ZNF611: variants seen among roughly 807,000 people sequenced by gnomAD.
ZNF611 encodes the protein zinc finger protein 611.
In ZNF611, 6 loss-of-function variants were observed where a neutral mutation model predicts 8.9. That is an observed-to-expected ratio of 0.68 (90% CI 0.37 to 1.34). The LOEUF is 1.34. ZNF611 is among the 40% of genes most tolerant of loss of function. The pLI is 0.02. For synonymous variants in ZNF611, 262 were observed against 279.7 expected, an observed-to-expected ratio of 0.94 and a Z score of 0.63; for missense variants, 874 against 841.3, an observed-to-expected ratio of 1.04 and a Z score of -0.48.
Position 52,705,630 on chromosome 19 carries a change from A to C in ZNF611, c.1425T>G (p.Ile475Met), listed in dbSNP as rs372788027. 1.9e-5 allele frequency: 30 copies of C among 1,613,782 alleles called. No homozygotes were observed. The highest frequency in any genetic ancestry group is 6.7e-5 in the African/African-American group (5 of 74,892). Reference protein sequence around the residue: ...WSSQLAKHTRIDCGEKPYKCN... With the variant: ...WSSQLAKHTRMDCGEKPYKCN... The stretch of plus-strand genomic sequence containing the variant: ...ACTTGTAAGGTTTTTCTCCACAGTC[A>C]ATTCTAGTATGTTTTGCCAGTTGTG... Residue 475 changes from isoleucine to methionine, a missense_variant, in exon 6 of 6, where the codon ATT becomes ATG. By Grantham distance (10) the Ile-to-Met change is conservative. Coordinates refer to ENST00000652185, the MANE Select transcript of ZNF611 (RefSeq NM_001161499.2).
chr19:52,716,856 G>C (rs188613531), intron 3 of ZNF611, among the ~76,000 whole-genome samples: 1 of 151,974 alleles, frequency 6.6e-6, no homozygotes, highest in East Asian at 1.9e-4. Flanking sequence ...GAAGAGGTAG[G>C]GACTAGCCCA....
intron 3 of ZNF611, among the ~76,000 whole-genome samples, chr19:52,720,147 TAG>T (rs1369401481): frequency 6.6e-6 from 1 of 152,224 alleles, no homozygotes; most frequent in South Asian, 2.1e-4. Context: ...CAGAACAAAA[TAG>T]AGTCTCCTAT....
chr19:52,708,978 T>C (rs1000120412), intron 5 of ZNF611: 3 of 152,228 alleles, frequency 2.0e-5, no homozygotes, highest in African/African-American at 7.2e-5. Context: ...TAGTTCACTA[T>C]GCATAAAATA....
At chr19:52,709,245 T>G (rs1253309797) in intron 5 of ZNF611, among the ~76,000 whole-genome samples, 2 of 152,112 alleles carry the variant, frequency 1.3e-5, no homozygotes, top group Non-Finnish European at 2.9e-5. Flanking sequence ...TTTTCTTTCT[T>G]TTTTTCTTTC....
rs181375979 is a variant in ZNF611 at position 52,719,788 on chromosome 19, A to T, written c.-19-3875T>A. Among the ~76,000 whole-genome samples, 430 of 151,828 alleles carry T rather than the reference A, an allele frequency of 2.8e-3. 2 individuals are homozygous for T. Among genetic ancestry groups the T allele is most frequent in the African/African-American group, 9.9e-3 (410 of 41,358 alleles). On this transcript the variant is annotated intron_variant, in intron 3 of 5. Transcript: ENST00000652185. The stretch of plus-strand genomic sequence containing the variant: ...TGTTTTGTTTTGTTTTTTAGTATTT[A>T]TTGATCATTCTTGGGTGTTTCTCAG...
chr19:52,731,373 T>C (rs926430836), intron 1 of ZNF611, among the ~76,000 whole-genome samples: 1 of 151,778 alleles, frequency 6.6e-6, no homozygotes, highest in African/African-American at 2.4e-5. Context: ...TCCTTTCTTT[T>C]TCTTTATTTT....
At chr19:52,723,057 C>T (rs951838246) in intron 3 of ZNF611, among the ~76,000 whole-genome samples, 7 of 150,900 alleles carry the variant, frequency 4.6e-5, no homozygotes, top group Non-Finnish European at 8.9e-5. Context: ...CCTCTTTCTT[C>T]ATTACTGTGC....
intron 3 of ZNF611, among the ~76,000 whole-genome samples, chr19:52,726,306 G>A (rs1032648762): frequency 6.6e-6 from 1 of 152,136 alleles, no homozygotes; most frequent in Non-Finnish European, 1.5e-5. Flanking sequence ...AAGCAGCGGC[G>A]GGAGAATCGC....
At chr19:52,706,956 T>C (rs1568600587) in intron 5 of ZNF611, 92 bp from the exon 6 acceptor site, 4 of 1,512,850 alleles carry the variant, frequency 2.6e-6, no homozygotes, top group Non-Finnish European at 2.6e-6. Context: ...ACGATACTTA[T>C]TTTGAACTTC....
chr19:52,719,726 A>C (rs1259341498), intron 3 of ZNF611, among the ~76,000 whole-genome samples: 1 of 151,930 alleles, frequency 6.6e-6, no homozygotes, highest in Non-Finnish European at 1.5e-5. Context: ...ACTTCTGCTC[A>C]TTTTATGCCC....
intron 4 of ZNF611, among the ~76,000 whole-genome samples, chr19:52,714,598 G>A (rs2062302554): frequency 6.6e-6 from 1 of 150,766 alleles, no homozygotes; most frequent in Admixed American, 6.6e-5. Flanking sequence ...TGAGGCAGGA[G>A]AATCACTTGA....
intron 3 of ZNF611, chr19:52,723,325 T>G (rs1236236111): frequency 6.6e-6 from 1 of 151,098 alleles, no homozygotes; most frequent in African/African-American, 2.4e-5. Context: ...GGTGCGATCT[T>G]GGCTCACTGC....
At position 52,724,830 on chromosome 19, in the gene ZNF611, C is replaced by A. The variant is rs111658292; in HGVS notation, c.-20+3900G>T. On this transcript the variant is annotated intron_variant, in intron 3 of 5. Coordinates refer to ENST00000652185, the MANE Select transcript of ZNF611 (RefSeq NM_001161499.2). Reference sequence around the variant, plus strand: ...CTCCCTCACTCTGGTGAGCCTCCCTCTTTGCTGCCCCTCTCCCTATCTTGT... The same window carrying A: ...CTCCCTCACTCTGGTGAGCCTCCCTATTTGCTGCCCCTCTCCCTATCTTGT... Among the ~76,000 whole-genome samples, 910 of 152,282 alleles carry A rather than the reference C, an allele frequency of 6.0e-3. 9 individuals carry two copies. Among genetic ancestry groups the A allele is most frequent in the African/African-American group, 0.019 (810 of 41,550 alleles).
intron 5 of ZNF611, among the ~76,000 whole-genome samples, chr19:52,709,523 G>A (rs2062266300): frequency 6.6e-6 from 1 of 152,020 alleles, no homozygotes; most frequent in African/African-American, 2.4e-5. Flanking sequence ...CGCCCTCCTC[G>A]CCTCCCAAAG....
intron 3 of ZNF611, among the ~76,000 whole-genome samples, chr19:52,719,095 G>T (rs1288193484): frequency 2.0e-5 from 3 of 152,096 alleles, no homozygotes; most frequent in African/African-American, 7.2e-5. Context: ...CTTGAACCCG[G>T]GAGGTGGAGG....
Position 52,711,968 on chromosome 19 carries a change from T to C in ZNF611, c.190+2047A>G, listed in dbSNP as rs566138346. ...CTGTGGGAATATAATTCCACCAAGA[T>C]AGACCAAATCTTGAGCTTAGAGGAA... On this transcript the variant is annotated intron_variant, in intron 5 of 5. Transcript: ENST00000652185. Among the ~76,000 whole-genome samples the C allele has an allele frequency of 6.6e-5, 10 of 152,172 alleles. No individual in the cohort carries two copies. In the South Asian group the frequency reaches 1.9e-3, roughly 28 times the overall value.
chr19:52,709,802 T>C (rs1396591045), intron 5 of ZNF611, among the ~76,000 whole-genome samples: 4 of 151,798 alleles, frequency 2.6e-5, no homozygotes, highest in Admixed American at 2.0e-4. Flanking sequence ...CCCGGCCTCA[T>C]GTGATTTGGC....
At chr19:52,719,142 T>C (rs113763292) in intron 3 of ZNF611, among the ~76,000 whole-genome samples, 5,740 of 152,058 alleles carry the variant, frequency 0.038, 342 homozygotes, top group African/African-American at 0.13. Context: ...GCACTCCAGC[T>C]TGCCTGACAG....
chr19:52,705,651 T>A lies in ZNF611; in HGVS notation c.1404A>T (p.Gln468His), dbSNP rs1462096398. Residue 468 changes from glutamine (Q) to histidine (H), a missense_variant, in exon 6 of 6, where the codon CAA (glutamine) becomes CAT (histidine). Transcript: ENST00000652185. ...VCDKAFVWSSQLAKHTRIDCG... is the reference protein window; with the variant it reads ...VCDKAFVWSSHLAKHTRIDCG... ...AGTCAATTCTAGTATGTTTTGCCAG[T>A]TGTGAACTCCACACAAAAGCCTTGT... 1 of 1,613,024 alleles carries A rather than the reference T, an allele frequency of 6.2e-7. No individual in the cohort carries two copies. Among genetic ancestry groups the A allele is most frequent in the Middle Eastern group, 1.7e-4 (1 of 6,054 alleles).
Sources: gnomAD v4.1 joint callset for allele counts (sites outside exome capture counted in the v4.1 genomes callset) on GRCh38, gnomAD v4.1.1 for gene constraint, MANE v1.5 for transcripts, NCBI Gene and HGNC (gene_info 2026-07-23, HGNC 2026-07-21) for gene names.